IL36G: variants seen among roughly 807,000 people sequenced by gnomAD.
The protein encoded by IL36G is interleukin-36 gamma.
Under a neutral mutation model 13.5 loss-of-function variants are expected in IL36G, and 10 were observed. The ratio of observed to expected loss-of-function variants is 0.74; its 90% CI spans 0.46 to 1.26. The LOEUF (loss-of-function observed/expected upper bound fraction) is 1.26. IL36G is among the 50% of genes most tolerant of loss of function. The probability of loss-of-function intolerance (pLI) is 0.00; values close to 1 mark genes in which losing one functional copy is unlikely to be tolerated. For missense variants in IL36G, 199 were observed against 203.0 expected (o/e 0.98, Z 0.12); for synonymous variants, 84 against 74.0 (o/e 1.13, Z -0.69).
Position 112,980,154 on chromosome 2 carries a change from T to G in IL36G, c.300+6T>G. 6.2e-7 allele frequency: 1 copy of G among 1,608,386 alleles called. No homozygotes were observed. The highest frequency in any genetic ancestry group is 8.5e-7 in the Non-Finnish European group (1 of 1,178,034). ...AGCCCACATTGCAGCTAAAAGTGAG[T>G]AGCTAAGAAAAATATTTAAAAAGCC... On this transcript the variant is annotated splice_donor_region_variant and intron_variant, in intron 4 of 4. Coordinates refer to ENST00000259205, the MANE Select transcript of IL36G (RefSeq NM_019618.4).
At chr2:112,980,267 C>G in intron 4 of IL36G, 119 bp downstream of exon 4, 1 of 872,980 alleles carries the variant, frequency 1.1e-6, no homozygotes, top group Non-Finnish European at 1.7e-6. Context: ...TATTCCCAGC[C>G]TCTTTTAAGT....
chr2:112,979,397 A>G (rs1684223374), intron 3 of IL36G, 72 bp downstream of exon 3: 13 of 896,014 alleles, frequency 1.5e-5, no homozygotes, highest in Non-Finnish European at 2.2e-5. Context: ...AGCCTTTTGT[A>G]AAAGTGTGAC....
chr2:112,981,388 C>G (rs1441332140), intron 4 of IL36G: 11 of 731,890 alleles, frequency 1.5e-5, no homozygotes, highest in Non-Finnish European at 2.8e-5. Flanking sequence ...CGTCCTTCAC[C>G]TTGGCTTATC....
In IL36G at chr2:112,979,249, T is replaced by G. The variant is rs777619675; in HGVS notation, c.84T>G (p.Asn28Lys). The G allele has an allele frequency of 6.2e-7, 1 of 1,611,780 alleles. No homozygotes were observed. The highest frequency in any genetic ancestry group is 8.5e-7 in the Non-Finnish European group (1 of 1,177,808). ...GTAAACCTATTACTGGGACTATTAA[T>G]GATTTGAATCAGCAAGTGTGGACCC... Reference protein sequence around the residue: ...SMCKPITGTINDLNQQVWTLQ... With the variant: ...SMCKPITGTIKDLNQQVWTLQ... The change falls in exon 3 of 5, where the codon AAT becomes AAG. Residue 28 changes from asparagine to lysine, a missense_variant. Transcript: ENST00000259205.
chr2:112,979,136 C>T (rs562798753), intron 2 of IL36G, 85 bp from the exon 3 acceptor site: 3 of 827,020 alleles, frequency 3.6e-6, no homozygotes, highest in Middle Eastern at 2.3e-4. Flanking sequence ...TACAAAATGG[C>T]CTGGGTTAGA....
In IL36G at chr2:112,978,662, T is replaced by C. The variant is rs759940517; in HGVS notation, c.24T>C (p.Ala8=). 1.7e-5 allele frequency: 27 copies of C among 1,614,066 alleles called. No homozygotes were observed. Among genetic ancestry groups the C allele is most frequent in the African/African-American group, 4.0e-5 (3 of 74,926 alleles). The change falls in exon 2 of 5, where the codon GCT becomes GCC. Residue 8 remains alanine (A), a synonymous_variant. Transcript: ENST00000259205. Reference sequence around the variant, plus strand: ...CTATGAGAGGCACTCCAGGAGACGCTGATGGTGGAGGAAGGGCCGTCTATC... The same window carrying C: ...CTATGAGAGGCACTCCAGGAGACGCCGATGGTGGAGGAAGGGCCGTCTATC... MRGTPGD[A]DGGGRAVYQS... is the part of the protein sequence containing the mutation.
chr2:112,983,041 C>A (rs140786348), intron 4 of IL36G, among the ~76,000 whole-genome samples: 1 of 152,110 alleles, frequency 6.6e-6, no homozygotes, highest in East Asian at 1.9e-4. Flanking sequence ...CACAAGAGAG[C>A]AGGGAGAACG....
chr2:112,979,425 C>G, intron 3 of IL36G, 100 bp downstream of exon 3: 2 of 684,488 alleles, frequency 2.9e-6, no homozygotes, highest in South Asian at 3.6e-5. Context: ...TGGGGCCCAC[C>G]AGGAGTGGGG....
At chr2:112,982,787 C>T (rs1014353772) in intron 4 of IL36G, among the ~76,000 whole-genome samples, 1 of 152,046 alleles carries the variant, frequency 6.6e-6, no homozygotes, top group African/African-American at 2.4e-5. Context: ...CTTTGGGGAC[C>T]TTGGCAGGAG....
At chr2:112,978,753 T>C in intron 2 of IL36G, 60 bp downstream of exon 2, 1 of 1,520,878 alleles carries the variant, frequency 6.6e-7, no homozygotes, top group South Asian at 1.1e-5. Context: ...ACTCACGCTA[T>C]CTCCTGTGGA....
intron 4 of IL36G, among the ~76,000 whole-genome samples, chr2:112,982,838 TAAGTTTAAAGGGAGG>T (rs1558818286): frequency 6.6e-6 from 1 of 151,336 alleles, no homozygotes; most frequent in Non-Finnish European, 1.5e-5. Flanking sequence ...CTGGATGGAG[TAAGTTTAAAGGGAGG>T]AATTACAAGA....
intron 4 of IL36G, 22 bp from the exon 5 acceptor site, chr2:112,984,818 G>T (rs780891928): frequency 6.3e-7 from 1 of 1,585,766 alleles, no homozygotes; most frequent in Non-Finnish European, 8.7e-7. Context: ...TCTCCTAATG[G>T]GTACTTGTTC....
chr2:112,978,772 C>T, intron 2 of IL36G, 79 bp downstream of exon 2: 5 of 1,368,508 alleles, frequency 3.7e-6, no homozygotes, highest in East Asian at 2.3e-5. Context: ...GAAGCCCCAG[C>T]CTTCTCTGCT....
chr2:112,980,068 C>T lies in IL36G; in HGVS notation c.220C>T (p.Pro74Ser), dbSNP rs778464167. 1 of 1,613,298 alleles carries T rather than the reference C, an allele frequency of 6.2e-7. No homozygotes were observed. The highest frequency in any genetic ancestry group is 1.3e-5 in the African/African-American group (1 of 74,896). ...PEALEQGRGDPIYLGIQNPEM... is the reference protein window; with the variant it reads ...PEALEQGRGDSIYLGIQNPEM... Reference sequence around the variant, plus strand: ...GGCTCTTGAGCAAGGCAGAGGGGATCCCATTTATTTGGGAATCCAGAATCC... The same window carrying T: ...GGCTCTTGAGCAAGGCAGAGGGGATTCCATTTATTTGGGAATCCAGAATCC... The change falls in exon 4 of 5, where the codon CCC becomes TCC. Residue 74 changes from proline to serine, a missense_variant. Coordinates refer to ENST00000259205, the MANE Select transcript of IL36G (RefSeq NM_019618.4).
Position 112,985,224 on chromosome 2 carries a change from A to G in IL36G, c.*175A>G. Reference sequence around the variant, plus strand: ...GCAATTACTTCATAGCAACTGAAGAACAGGATGTGGCCTCAGAAGCAGGAG... The same window carrying G: ...GCAATTACTTCATAGCAACTGAAGAGCAGGATGTGGCCTCAGAAGCAGGAG... On this transcript the variant is annotated 3_prime_UTR_variant, in exon 5 of 5. Transcript: ENST00000259205. 3.4e-6 allele frequency: 2 copies of G among 595,206 alleles called. No homozygotes were observed. Among genetic ancestry groups the G allele is most frequent in the Admixed American group, 3.0e-5 (1 of 33,886 alleles). 36.9% of individuals were successfully genotyped at this position (595,206 alleles called of 1,614,324 possible).
At chr2:112,981,107 A>G (rs192460158) in intron 4 of IL36G, 1 of 794,556 alleles carries the variant, frequency 1.3e-6, no homozygotes, top group African/African-American at 1.7e-5. Flanking sequence ...GATAAAAAAT[A>G]GTTTTTCAAA....
At chr2:112,983,517 C>G (rs1167171554) in intron 4 of IL36G, among the ~76,000 whole-genome samples, 1 of 152,000 alleles carries the variant, frequency 6.6e-6, no homozygotes, top group Non-Finnish European at 1.5e-5. Flanking sequence ...GGAGGAGACC[C>G]AGGTGATGGG....
chr2:112,981,449 C>T (rs759291361), intron 4 of IL36G: 12 of 663,078 alleles, frequency 1.8e-5, no homozygotes, highest in Non-Finnish European at 3.0e-5. Flanking sequence ...GTGGCCACCC[C>T]AGCGGGATAT....
At chr2:112,981,784 T>A (rs1461418054) in intron 4 of IL36G, among the ~76,000 whole-genome samples, 1 of 152,246 alleles carries the variant, frequency 6.6e-6, no homozygotes, top group East Asian at 1.9e-4. Flanking sequence ...TTCAGTGTTG[T>A]CCCTTCTGGA....
Sources: allele counts gnomAD v4.1 joint callset (sites outside exome capture counted in the v4.1 genomes callset), GRCh38; gene constraint gnomAD v4.1.1; transcripts MANE v1.5; gene names NCBI Gene and HGNC (gene_info 2026-07-23, HGNC 2026-07-21).